The following ANKRD44 variants were observed in gnomAD, a reference collection of about 807,000 sequenced individuals.
The protein encoded by ANKRD44 is ankyrin repeat domain 44.
Under a neutral mutation model 116.0 loss-of-function variants are expected in ANKRD44, and 35 were observed. The ratio of observed to expected loss-of-function variants is 0.30; its 90% CI spans 0.23 to 0.40. The LOEUF (loss-of-function observed/expected upper bound fraction) is 0.40, where lower values mean the gene tolerates loss of function less well. Among genes scored for constraint, ANKRD44 ranks in the 10% least tolerant of loss-of-function variants. ANKRD44 has a pLI of 1.00. For synonymous variants in ANKRD44, 435 were observed against 461.8 expected, an observed-to-expected ratio of 0.94 and a Z score of 0.74; for missense variants, 1,014 against 1,242.6, an observed-to-expected ratio of 0.82 and a Z score of 2.77.
intron 2 of ANKRD44, among the ~76,000 whole-genome samples, chr2:197,185,745 T>A (rs1268756657): frequency 6.6e-6 from 1 of 152,212 alleles, no homozygotes; most frequent in Non-Finnish European, 1.5e-5. Flanking sequence ...ATGAAATAGT[T>A]TGATTCATTT....
intron 1 of ANKRD44, among the ~76,000 whole-genome samples, chr2:197,274,510 G>A (rs2083016614): frequency 6.6e-6 from 1 of 152,150 alleles, no homozygotes; most frequent in Non-Finnish European, 1.5e-5. Context: ...TAACTGAGAG[G>A]TAAGGATATA....
intron 16 of ANKRD44, among the ~76,000 whole-genome samples, chr2:197,065,080 G>T (rs565463699): frequency 6.6e-6 from 1 of 152,250 alleles, no homozygotes; most frequent in East Asian, 1.9e-4. Context: ...AAATGTAAAA[G>T]AACAGAAATT....
intron 1 of ANKRD44, among the ~76,000 whole-genome samples, chr2:197,254,934 G>A (rs563054159): frequency 9.2e-5 from 14 of 152,240 alleles, no homozygotes; most frequent in South Asian, 4.1e-4. Context: ...CCTTCCATCC[G>A]TGAAACACAT....
chr2:197,269,321 G>T (rs995087694), intron 1 of ANKRD44, among the ~76,000 whole-genome samples: 2 of 152,138 alleles, frequency 1.3e-5, no homozygotes, highest in Non-Finnish European at 2.9e-5. Flanking sequence ...TCTCCTAATG[G>T]AGATCCACTA....
chr2:197,202,838 A>G (rs1198555752), intron 1 of ANKRD44, among the ~76,000 whole-genome samples: 1 of 151,462 alleles, frequency 6.6e-6, no homozygotes, highest in Non-Finnish European at 1.5e-5. Flanking sequence ...TTAGCCTCCT[A>G]AAGTGCTGGG....
chr2:196,981,618 A>T lies in ANKRD44; in HGVS notation c.2368+11965T>A, dbSNP rs181856244. On this transcript the variant is annotated intron_variant, in intron 21 of 21. Coordinates refer to the ANKRD44 transcript ENST00000424317. ...TGGCAAAACCCCATCTCTACTAAAA[A>T]TTTTTTTAAAAATCCGCCAAGTGTG... is the stretch of plus-strand genomic sequence containing the variant. Among the ~76,000 whole-genome samples, 1,430 of 151,936 alleles carry T rather than the reference A, an allele frequency of 9.4e-3. 28 individuals carry two copies. Among genetic ancestry groups the T allele is most frequent in the African/African-American group, 0.033 (1,357 of 41,414 alleles).
rs2078509477 is a variant in ANKRD44 at position 197,109,239 on chromosome 2, T to C, written c.985+1527A>G. Among the ~76,000 whole-genome samples the C allele has an allele frequency of 2.0e-5, 3 of 152,308 alleles. No individual in the cohort carries two copies. The South Asian group carries it at 6.2e-4, about 32-fold the overall frequency. Reference sequence around the variant, plus strand: ...TCTGAAAAACAGTTGAGAAATACAGTGGCATAAGAGACGTGCTCGAAAGAG... The same window carrying C: ...TCTGAAAAACAGTTGAGAAATACAGCGGCATAAGAGACGTGCTCGAAAGAG... On this transcript the variant is annotated intron_variant, in intron 9 of 27. Transcript: ENST00000282272.
chr2:197,100,396 C>T (rs2078264319), intron 9 of ANKRD44, among the ~76,000 whole-genome samples: 1 of 152,082 alleles, frequency 6.6e-6, no homozygotes, highest in Non-Finnish European at 1.5e-5. Context: ...GATCGCACCA[C>T]TGCACTCCAG....
intron 1 of ANKRD44, among the ~76,000 whole-genome samples, chr2:197,255,129 C>T (rs1005976451): frequency 6.6e-6 from 1 of 152,148 alleles, no homozygotes; most frequent in Non-Finnish European, 1.5e-5. Flanking sequence ...GCCATATGTT[C>T]CACAACTATG....
At chr2:197,116,319 C>T (rs2078706550) in intron 8 of ANKRD44, among the ~76,000 whole-genome samples, 1 of 152,152 alleles carries the variant, frequency 6.6e-6, no homozygotes. Context: ...AAAGAGAGCG[C>T]CTTTATTAAA....
At chr2:197,028,374 C>T (rs918431266) in intron 16 of ANKRD44, among the ~76,000 whole-genome samples, 1 of 152,200 alleles carries the variant, frequency 6.6e-6, no homozygotes, top group Non-Finnish European at 1.5e-5. Flanking sequence ...AGGCACAAGT[C>T]ACCACGCCTG....
At chr2:197,093,879 AAACTT>A (rs2078102189) in intron 10 of ANKRD44, among the ~76,000 whole-genome samples, 1 of 152,214 alleles carries the variant, frequency 6.6e-6, no homozygotes, top group Admixed American at 6.5e-5. Context: ...AAATCACACT[AAACTT>A]AACAATGCAT....
intron 15 of ANKRD44, among the ~76,000 whole-genome samples, 155 bp from the exon 16 acceptor site, chr2:197,078,969 TTGTG>T (rs59690082): frequency 6.8e-5 from 10 of 147,112 alleles, no homozygotes; most frequent in African/African-American, 1.8e-4. Context: ...GTGTTGAAAA[TTGTG>T]TGTGTGTGTG....
chr2:197,180,845 T>A (rs1196096195), intron 2 of ANKRD44, among the ~76,000 whole-genome samples: 1 of 152,188 alleles, frequency 6.6e-6, no homozygotes, highest in African/African-American at 2.4e-5. Context: ...ATATACTCTA[T>A]TTTAAAAGAA....
intron 4 of ANKRD44, among the ~76,000 whole-genome samples, chr2:197,130,296 T>C (rs1273745804): frequency 6.6e-6 from 1 of 152,220 alleles, no homozygotes; most frequent in Non-Finnish European, 1.5e-5. Flanking sequence ...AGCACAATTA[T>C]TCTAAGAACT....
intron 1 of ANKRD44, among the ~76,000 whole-genome samples, chr2:197,191,147 A>T (rs958668785): frequency 6.6e-6 from 1 of 152,234 alleles, no homozygotes; most frequent in Non-Finnish European, 1.5e-5. Flanking sequence ...AATGATTGTC[A>T]GTGCTGCAGA....
At chr2:197,230,805 C>A (rs1290675062) in intron 1 of ANKRD44, among the ~76,000 whole-genome samples, 2 of 152,128 alleles carry the variant, frequency 1.3e-5, no homozygotes, top group Non-Finnish European at 2.9e-5. Context: ...GTGGCTCTAC[C>A]ATCTCCCGGG....
chr2:197,275,689 G>A (rs2083058767), intron 1 of ANKRD44, among the ~76,000 whole-genome samples: 1 of 151,924 alleles, frequency 6.6e-6, no homozygotes, highest in Admixed American at 6.6e-5. Flanking sequence ...TACAGGCTTT[G>A]GAACCGGGTT....
intron 3 of ANKRD44, among the ~76,000 whole-genome samples, chr2:197,140,889 T>A (rs990454946): frequency 6.6e-6 from 1 of 152,168 alleles, no homozygotes; most frequent in African/African-American, 2.4e-5. Context: ...ATGCAGCTTA[T>A]TGTATATCAA....
Sources: gnomAD v4.1 joint callset for allele counts (sites outside exome capture counted in the v4.1 genomes callset) on GRCh38, gnomAD v4.1.1 for gene constraint, MANE v1.5 for transcripts, NCBI Gene and HGNC (gene_info 2026-07-23, HGNC 2026-07-21) for gene names.